The following LHFPL3 variants were observed in gnomAD, a reference collection of about 807,000 sequenced individuals.
The protein encoded by LHFPL3 is LHFPL tetraspan subfamily member 3 protein.
In LHFPL3, 5 loss-of-function variants were observed where a neutral mutation model predicts 19.3. That is an observed-to-expected ratio of 0.26 (90% CI 0.14 to 0.54). The LOEUF is 0.54. Among genes scored for constraint, LHFPL3 ranks in the 20% least tolerant of loss-of-function variants. The pLI, the probability that LHFPL3 is intolerant of heterozygous loss-of-function variation, is 0.94. For synonymous variants in LHFPL3, 133 were observed against 126.2 expected (o/e 1.05, Z -0.36); for missense variants, 249 against 307.4 (o/e 0.81, Z 1.42).
At chr7:104,828,146 C>T (rs569748142) in intron 2 of LHFPL3, among the ~76,000 whole-genome samples, 12 of 152,068 alleles carry the variant, frequency 7.9e-5, no homozygotes, top group African/African-American at 2.4e-4. Flanking sequence ...AGCTCACTCC[C>T]GCCATGCCTG....
intron 1 of LHFPL3, among the ~76,000 whole-genome samples, chr7:104,562,733 G>A (rs1160575980): frequency 2.1e-4 from 32 of 152,044 alleles, no homozygotes; most frequent in East Asian, 1.5e-3. Flanking sequence ...GAGGAACTGC[G>A]TTCCTTTGGA....
In LHFPL3 at chr7:104,466,893, T is replaced by G. The variant is rs77933804; in HGVS notation, c.445+137669T>G. On this transcript the variant is annotated intron_variant, in intron 1 of 2. Coordinates refer to ENST00000424859, the MANE Select transcript of LHFPL3 (RefSeq NM_199000.3). ...CCATGCTTTTCTTTCTGAAGAATCA[T>G]ATTTCTGACATGTTCCTTTAACCCT... is the stretch of plus-strand genomic sequence containing the variant. Among the ~76,000 whole-genome samples, 1,166 of 152,334 alleles carry G rather than the reference T, an allele frequency of 7.7e-3. 54 individuals are homozygous for G. The East Asian group carries it at 0.13, about 17-fold the overall frequency.
At chr7:104,883,725 T>G (rs1792096089) in intron 2 of LHFPL3, among the ~76,000 whole-genome samples, 1 of 152,168 alleles carries the variant, frequency 6.6e-6, no homozygotes, top group Non-Finnish European at 1.5e-5. Context: ...GAAAAGAGTT[T>G]GCGTGTCTGA....
At chr7:104,884,126 ACCGTG>A (rs1309132842) in intron 2 of LHFPL3, among the ~76,000 whole-genome samples, 1 of 152,126 alleles carries the variant, frequency 6.6e-6, no homozygotes, top group Non-Finnish European at 1.5e-5. Flanking sequence ...TAATACCTAT[ACCGTG>A]CCTGATGCGT....
intron 2 of LHFPL3, among the ~76,000 whole-genome samples, chr7:104,815,777 G>A (rs914199746): frequency 1.3e-5 from 2 of 152,068 alleles, no homozygotes; most frequent in African/African-American, 4.8e-5. Context: ...TTCTGGATCT[G>A]GTCATCTCAT....
chr7:104,756,781 T>A lies in LHFPL3; in HGVS notation c.682+19870T>A, dbSNP rs1005711627. 5.9e-5 allele frequency among the ~76,000 whole-genome samples: 9 copies of A among 152,370 alleles called. No individual in the cohort carries two copies. The East Asian group carries it at 1.7e-3, about 29-fold the overall frequency. On this transcript the variant is annotated intron_variant, in intron 2 of 2. Transcript: ENST00000424859. ...TCCCAAAATGCTGGGATTACAGGCA[T>A]CAGCCACTATGCCCAGCCCACAGTG... is the stretch of plus-strand genomic sequence containing the variant.
intron 1 of LHFPL3, among the ~76,000 whole-genome samples, chr7:104,450,810 AG>A (rs1792421818): frequency 6.6e-6 from 1 of 152,226 alleles, no homozygotes; most frequent in Non-Finnish European, 1.5e-5. Flanking sequence ...AAAATGGAAA[AG>A]AAAAAAAAAG....
At chr7:104,468,569 G>A (rs1792838702) in intron 1 of LHFPL3, among the ~76,000 whole-genome samples, 1 of 152,028 alleles carries the variant, frequency 6.6e-6, no homozygotes, top group South Asian at 2.1e-4. Flanking sequence ...TCTGCTCTCA[G>A]ACTGAGAGTT....
chr7:104,772,525 C>T (rs1171641461), intron 2 of LHFPL3, among the ~76,000 whole-genome samples: 1 of 152,192 alleles, frequency 6.6e-6, no homozygotes, highest in Non-Finnish European at 1.5e-5. Flanking sequence ...ACAGCAGTCA[C>T]AGCAGTGCCC....
At chr7:104,666,774 G>T (rs1277367782) in intron 1 of LHFPL3, among the ~76,000 whole-genome samples, 1 of 151,560 alleles carries the variant, frequency 6.6e-6, no homozygotes, top group Non-Finnish European at 1.5e-5. Flanking sequence ...CGCCCGCCTC[G>T]GCCTCCCAAA....
chr7:104,647,861 C>A (rs936773463), intron 1 of LHFPL3, among the ~76,000 whole-genome samples: 1 of 152,180 alleles, frequency 6.6e-6, no homozygotes, highest in South Asian at 2.1e-4. Context: ...GCTGACAATT[C>A]GTTGGCCAGA....
intron 1 of LHFPL3, among the ~76,000 whole-genome samples, chr7:104,656,229 C>T (rs1394085340): frequency 1.7e-5 from 2 of 121,180 alleles, no homozygotes; most frequent in African/African-American, 2.7e-5. Context: ...GATGAAAAGC[C>T]ACAGAGGACT....
chr7:104,532,520 G>A (rs1794320648), intron 1 of LHFPL3, among the ~76,000 whole-genome samples: 1 of 151,878 alleles, frequency 6.6e-6, no homozygotes, highest in Non-Finnish European at 1.5e-5. Flanking sequence ...TCCAAAGCAT[G>A]CACATAGACT....
chr7:104,783,973 A>G (rs964015775), intron 2 of LHFPL3, among the ~76,000 whole-genome samples: 2 of 152,234 alleles, frequency 1.3e-5, no homozygotes, highest in African/African-American at 4.8e-5. Flanking sequence ...TTAATTCTGC[A>G]CAATAACAGC....
At chr7:104,459,405 C>G (rs1437279630) in intron 1 of LHFPL3, among the ~76,000 whole-genome samples, 1 of 152,166 alleles carries the variant, frequency 6.6e-6, no homozygotes, top group Non-Finnish European at 1.5e-5. Flanking sequence ...GGACTTGATT[C>G]TGAATCTTCT....
At chr7:104,718,082 T>C (rs1246525279) in intron 1 of LHFPL3, among the ~76,000 whole-genome samples, 1 of 151,676 alleles carries the variant, frequency 6.6e-6, no homozygotes, top group Non-Finnish European at 1.5e-5. Flanking sequence ...TTCAGGTATC[T>C]ATCTAAAATA....
chr7:104,400,151 T>G (rs1195075533), intron 1 of LHFPL3, among the ~76,000 whole-genome samples: 3 of 79,548 alleles, frequency 3.8e-5, no homozygotes, highest in Non-Finnish European at 7.8e-5. Context: ...AAAAAAAGAC[T>G]CTACAGGAGA....
chr7:104,715,982 A>T (rs1399172699), intron 1 of LHFPL3, among the ~76,000 whole-genome samples: 1 of 152,140 alleles, frequency 6.6e-6, no homozygotes, highest in African/African-American at 2.4e-5. Context: ...TAATTATTTA[A>T]ATGTATGGTA....
In LHFPL3 at chr7:104,469,368, C is replaced by T. The variant is rs183512530; in HGVS notation, c.445+140144C>T. 8.5e-5 allele frequency among the ~76,000 whole-genome samples: 13 copies of T among 152,318 alleles called. No homozygotes were observed. In the East Asian group the frequency reaches 2.5e-3, roughly 29 times the overall value. ...CATGGTGTGGTTTTACAGCATTATA[C>T]AGTGCTACTCATTTTGTGACTGTTT... On this transcript the variant is annotated intron_variant, in intron 1 of 2. Coordinates refer to ENST00000424859, the MANE Select transcript of LHFPL3 (RefSeq NM_199000.3).
Sources: allele counts gnomAD v4.1 joint callset (sites outside exome capture counted in the v4.1 genomes callset), GRCh38; gene constraint gnomAD v4.1.1; transcripts MANE v1.5; gene names NCBI Gene and HGNC (gene_info 2026-07-23, HGNC 2026-07-21).